Variants in DNAH8 observed in about 807,000 individuals in gnomAD.
DNAH8 encodes dynein axonemal heavy chain 8.
In DNAH8, 382 loss-of-function variants were observed where a neutral mutation model predicts 562.1. The observed-to-expected ratio is 0.68, with a 90% CI of 0.63 to 0.74. The LOEUF is 0.74. Among genes scored for constraint, DNAH8 ranks in the 30% least tolerant of loss-of-function variants. The pLI, the probability that DNAH8 is intolerant of heterozygous loss-of-function variation, is 0.00. For missense variants in DNAH8, 5,203 were observed against 5,620.4 expected (o/e 0.93, Z 2.37); for synonymous variants, 1,881 against 1,919.4 (o/e 0.98, Z 0.52).
At chr6:38,962,063 A>T (rs1406285936) in intron 82 of DNAH8, among the ~76,000 whole-genome samples, 1 of 152,022 alleles carries the variant, frequency 6.6e-6, no homozygotes, top group Non-Finnish European at 1.5e-5. Flanking sequence ...TCATTATAGC[A>T]ATAAAAATAA....
intron 72 of DNAH8, among the ~76,000 whole-genome samples, chr6:38,923,759 C>T (rs956592178): frequency 6.6e-6 from 1 of 152,134 alleles, no homozygotes; most frequent in Non-Finnish European, 1.5e-5. Flanking sequence ...GACCTGTAGG[C>T]TTCAGGAGGA....
At chr6:38,899,389 G>A (rs2150505238) in intron 61 of DNAH8, among the ~76,000 whole-genome samples, 1 of 152,316 alleles carries the variant, frequency 6.6e-6, no homozygotes, top group South Asian at 2.1e-4. Context: ...GTGTCAGGCT[G>A]ATGAATAATA....
intron 5 of DNAH8, 32 bp from the exon 6 acceptor site, chr6:38,737,035 T>A (rs779676238): frequency 6.8e-7 from 1 of 1,465,646 alleles, no homozygotes; most frequent in Non-Finnish European, 9.0e-7. Flanking sequence ...GGGATTAGCA[T>A]GTAAAATAAC....
rs1189433240 is a variant in DNAH8, at chr6:38,852,786, A to G, written c.5559A>G (p.Gly1853=). 3.1e-6 allele frequency: 5 copies of G among 1,611,524 alleles called. No homozygotes were observed. In the African/African-American group the frequency reaches 4.0e-5, roughly 13 times the overall value. Reference sequence around the variant, plus strand: ...TCATGGCCGTCATATCAAGAGAAGGAGAAAAAATTGTTGTAATTTACCTTG... The same window carrying G: ...TCATGGCCGTCATATCAAGAGAAGGGGAAAAAATTGTTGTAATTTACCTTG... ...DRIMAVISRE[G]EKIVLDNSVM... is the part of the protein sequence containing the mutation. The change falls in exon 40 of 93, where the codon GGA becomes GGG. Residue 1853 remains glycine (G), a synonymous_variant. Transcript: ENST00000327475.
At position 38,917,962 on chromosome 6, in the gene DNAH8, A is replaced by C; in HGVS notation, c.10346A>C (p.Gln3449Pro). 6.2e-7 allele frequency: 1 copy of C among 1,613,698 alleles called. No homozygotes were observed. The stretch of plus-strand genomic sequence containing the variant: ...ACAGGATTCCTGTGGAGCCTTCAGC[A>C]GTTCCCTAAGGACACTATAAATGAA... ...SATGFLWSLQ[Q>P]FPKDTINEET... Residue 3449 changes from glutamine (Q) to proline (P), a missense_variant, in exon 70 of 93, where the codon CAG becomes CCG. This residue lies in a region of DNAH8 where 1,399 missense variants were observed against 1,518.4 expected (regional missense o/e 0.92). Transcript: ENST00000327475.
In DNAH8 at chr6:38,845,748, G is replaced by A. The variant is rs761046432; in HGVS notation, c.5020G>A (p.Val1674Ile). 3.7e-6 allele frequency: 6 copies of A among 1,613,388 alleles called. No individual in the cohort carries two copies. The highest frequency in any genetic ancestry group is 3.3e-5 in the Admixed American group (2 of 59,982). Residue 1674 changes from valine to isoleucine, a missense_variant, in exon 36 of 93, where the codon GTC becomes ATC. Val to Ile is a conservative substitution (Grantham distance 29). Transcript: ENST00000327475. ...CACTTTGATGGAGGATAGTTTAATG[G>A]TCTTAGGGTCTTTACTCAGCAACAG... ...IITLMEDSLM[V>I]LGSLLSNRYN...
At chr6:38,801,335 G>A (rs732447) in intron 21 of DNAH8, among the ~76,000 whole-genome samples, 50,879 of 152,028 alleles carry the variant, frequency 0.33, 9,219 homozygotes, top group Admixed American at 0.41. Context: ...TATTGGAAAC[G>A]TATGGAAAAA....
At chr6:38,842,534 C>T (rs778370072) in intron 34 of DNAH8, 29 bp downstream of exon 34, 11 of 1,606,876 alleles carry the variant, frequency 6.8e-6, no homozygotes, top group Non-Finnish European at 9.3e-6. Flanking sequence ...TTTTATAATG[C>T]CTGTCTTCTT....
intron 57 of DNAH8, among the ~76,000 whole-genome samples, chr6:38,887,734 AC>A (rs1324476005): frequency 1.3e-5 from 2 of 149,918 alleles, no homozygotes; most frequent in African/African-American, 4.9e-5. Context: ...CCCCCAATCC[AC>A]CCCAAAACCT....
At chr6:38,913,775 T>A (rs1781085831) in intron 66 of DNAH8, 74 bp from the exon 67 acceptor site, 1 of 1,040,436 alleles carries the variant, frequency 9.6e-7, no homozygotes, top group Non-Finnish European at 1.4e-6. Flanking sequence ...TAATAAATAG[T>A]AAACATTGAA....
intron 1 of DNAH8, among the ~76,000 whole-genome samples, chr6:38,720,075 C>T (rs77884005): frequency 0.024 from 3,628 of 152,190 alleles, 143 homozygotes; most frequent in African/African-American, 0.083. Context: ...CACTCCTTAC[C>T]TCAGTCTGCC....
Position 38,906,390 on chromosome 6 carries a change from T to G in DNAH8, c.9331T>G (p.Leu3111Val). 1 of 1,606,100 alleles carries G rather than the reference T, an allele frequency of 6.2e-7. No homozygotes were observed. Among genetic ancestry groups the G allele is most frequent in the Non-Finnish European group, 8.5e-7 (1 of 1,176,794 alleles). The change falls in exon 63 of 93, where the codon TTG becomes GTG. Residue 3111 changes from leucine (L) to valine (V), a missense_variant. By Grantham distance (32) the Leu-to-Val change is conservative. Around this residue, in one of 6 missense-constraint regions of DNAH8, gnomAD observed 977 missense variants for 1,061.8 expected, o/e 0.92. Transcript: ENST00000327475. ...DEAFLEYLNNLLSSGEISNLF... is the reference protein window; with the variant it reads ...DEAFLEYLNNVLSSGEISNLF... ...GGCATTTCTAGAATACCTTAACAAC[T>G]TGCTATCTTCAGGGGAGGTAAGTCT... is the stretch of plus-strand genomic sequence containing the variant.
rs766760393 is a variant in DNAH8 at position 38,834,605 on chromosome 6, A to G, written c.4329A>G (p.Pro1443=). Residue 1443 remains proline, a synonymous_variant, in exon 32 of 93, where the codon CCA becomes CCG. Coordinates refer to ENST00000327475, the MANE Select transcript of DNAH8 (RefSeq NM_001206927.2). ...AAGGACCTATGGTTCCAAATATACC[A>G]CCCCAAGAAGCTAGCAACAGGCTAC... ...ELEGPMVPNI[P]PQEASNRLQI... is the part of the protein sequence containing the mutation. 6.2e-7 allele frequency: 1 copy of G among 1,605,194 alleles called. No homozygotes were observed. Among genetic ancestry groups the G allele is most frequent in the South Asian group, 1.1e-5 (1 of 89,066 alleles).
chr6:38,932,895 C>G (rs1782665145), intron 76 of DNAH8: 2 of 152,268 alleles, frequency 1.3e-5, no homozygotes, highest in South Asian at 4.1e-4. Flanking sequence ...TAGACAGTTA[C>G]CACAGGCACA....
intron 82 of DNAH8, among the ~76,000 whole-genome samples, chr6:38,955,133 A>G (rs569941889): frequency 1.2e-4 from 18 of 151,992 alleles, no homozygotes; most frequent in African/African-American, 3.9e-4. Context: ...AATCCTAGCC[A>G]CATTTTGTTT....
At position 38,875,686 on chromosome 6, in the gene DNAH8, G is replaced by A. The variant is rs1214532811; in HGVS notation, c.7716G>A (p.Met2572Ile). 6 of 1,613,866 alleles carry A rather than the reference G, an allele frequency of 3.7e-6. No homozygotes were observed. The highest frequency in any genetic ancestry group is 5.1e-6 in the Non-Finnish European group (6 of 1,179,820). Residue 2572 changes from methionine (M) to isoleucine (I), a missense_variant, in exon 53 of 93, where the codon ATG becomes ATA. Physicochemically the swap from Met to Ile is conservative, Grantham distance 10. Coordinates refer to ENST00000327475, the MANE Select transcript of DNAH8 (RefSeq NM_001206927.2). ...ATAAATTATTTGTGTTTGGCCTAAT[G>A]TGGAGTTTAGGAGCCCTTCTGGAAT... is the stretch of plus-strand genomic sequence containing the variant. ...HLHKLFVFGL[M>I]WSLGALLELE... is the part of the protein sequence containing the mutation.
chr6:38,910,259 A>G (rs1486445245), intron 65 of DNAH8, among the ~76,000 whole-genome samples: 4 of 152,210 alleles, frequency 2.6e-5, no homozygotes, highest in African/African-American at 9.6e-5. Flanking sequence ...AAAAGCAGCA[A>G]TGGCATGTTC....
intron 91 of DNAH8, among the ~76,000 whole-genome samples, chr6:39,015,862 A>G (rs1156764024): frequency 6.6e-6 from 1 of 152,168 alleles, no homozygotes; most frequent in Non-Finnish European, 1.5e-5. Context: ...TTATTCAAAC[A>G]TCCTACCCTT....
Position 38,911,485 on chromosome 6 carries a change from A to G in DNAH8, c.9758A>G (p.His3253Arg), listed in dbSNP as rs1009065595. 2.5e-6 allele frequency: 4 copies of G among 1,613,178 alleles called. No individual in the cohort carries two copies. Among genetic ancestry groups the G allele is most frequent in the East Asian group, 2.2e-5 (1 of 44,862 alleles). ...SYFQRYRRRA[H>R]VTPKSYLSFI... The stretch of plus-strand genomic sequence containing the variant: ...GCTTTCAGATACCGCCGAAGAGCAC[A>G]TGTGACTCCCAAATCTTACCTCTCA... Residue 3253 changes from histidine to arginine, a missense_variant, in exon 66 of 93, where the codon CAT (histidine) becomes CGT (arginine). This residue lies in a region of DNAH8 where 977 missense variants were observed against 1,061.8 expected (regional missense o/e 0.92). Coordinates refer to ENST00000327475, the MANE Select transcript of DNAH8 (RefSeq NM_001206927.2).
Sources: allele counts gnomAD v4.1 joint callset (sites outside exome capture counted in the v4.1 genomes callset), GRCh38; gene constraint gnomAD v4.1.1; regional missense constraint gnomAD v4.1.1; transcripts MANE v1.5; gene names NCBI Gene and HGNC (gene_info 2026-07-23, HGNC 2026-07-21).